Variants in AGFG1 observed in about 807,000 individuals in gnomAD.
AGFG1 encodes ArfGAP with FG repeats 1, also known as arf-GAP domain and FG repeat-containing protein 1.
In AGFG1, 10 loss-of-function variants were observed where a neutral mutation model predicts 60.6. The ratio of observed to expected loss-of-function variants is 0.16; its 90% confidence interval spans 0.10 to 0.28. The LOEUF is 0.28. AGFG1 is among the 10% of genes least tolerant of loss of function. The probability of loss-of-function intolerance (pLI) is 1.00; values close to 1 mark genes in which losing one functional copy is unlikely to be tolerated. For synonymous variants in AGFG1, 247 were observed against 242.9 expected, an observed-to-expected ratio of 1.02 and a Z score of -0.16; for missense variants, 537 against 676.5, an observed-to-expected ratio of 0.79 and a Z score of 2.29.
intron 10 of AGFG1, among the ~76,000 whole-genome samples, chr2:227,543,872 G>GCTCTTCTTGTTGAATTGATC (rs1169289124): frequency 1.3e-5 from 2 of 152,030 alleles, no homozygotes; most frequent in African/African-American, 4.8e-5. Flanking sequence ...AGGATAGTTA[G>GCTCTTCTTGTTGAATTGATC]CTCTTCTTGT....
intron 2 of AGFG1, among the ~76,000 whole-genome samples, chr2:227,493,120 A>T (rs1290731567): frequency 6.6e-6 from 1 of 152,150 alleles, no homozygotes; most frequent in African/African-American, 2.4e-5. Flanking sequence ...TTAGGTGGAG[A>T]CTGGTCCAAA....
chr2:227,506,245 A>T (rs940233431), intron 2 of AGFG1, among the ~76,000 whole-genome samples: 1 of 151,788 alleles, frequency 6.6e-6, no homozygotes, highest in African/African-American at 2.4e-5. Flanking sequence ...TTTGTTTTTT[A>T]CTTTAGCAAA....
rs147089715 is a variant in AGFG1, at chr2:227,497,717, G to A, written c.261+6077G>A. 6.5e-3 allele frequency among the ~76,000 whole-genome samples: 827 copies of A among 128,142 alleles called. 18 individuals are homozygous for A. Among genetic ancestry groups the A allele is most frequent in the African/African-American group, 0.023 (791 of 33,736 alleles). The allele number at this position is 128,142 out of a possible 152,430, so 84.1% of individuals were successfully genotyped here. A position where few individuals can be genotyped will look rare whatever the true frequency, so the allele number is the denominator to read the frequency against. ...AATGCACAAGCATATATAGCCAAAT[G>A]AGTTTCTTTCTTGTTTTGTTTTTTT... On this transcript the variant is annotated intron_variant, in intron 2 of 12. Transcript: ENST00000310078.
intron 11 of AGFG1, among the ~76,000 whole-genome samples, chr2:227,553,297 A>AG (rs1692876049): frequency 6.6e-6 from 1 of 152,128 alleles, no homozygotes; most frequent in African/African-American, 2.4e-5. Context: ...CAGGAGATTG[A>AG]GACCAGCCTG....
At chr2:227,535,217 A>G (rs1047711147) in intron 8 of AGFG1, among the ~76,000 whole-genome samples, 192 bp downstream of exon 8, 7 of 152,186 alleles carry the variant, frequency 4.6e-5, no homozygotes, top group Non-Finnish European at 8.8e-5. Context: ...TTATCTTTTC[A>G]TTGAATCAGA....
At chr2:227,511,097 A>T (rs1233865275) in intron 2 of AGFG1, among the ~76,000 whole-genome samples, 1 of 152,164 alleles carries the variant, frequency 6.6e-6, no homozygotes, top group Non-Finnish European at 1.5e-5. Flanking sequence ...ATGTATAATA[A>T]ATTGGCTCTC....
rs1305621940 is a variant in AGFG1 at position 227,556,101 on chromosome 2, A to T, written c.*1606A>T. 1 of 152,240 alleles carries T rather than the reference A, an allele frequency of 6.6e-6. No homozygotes were observed. The highest frequency in any genetic ancestry group is 2.4e-5 in the African/African-American group (1 of 41,470). The allele number at this position is 152,240 out of a possible 1,614,324, so 9.4% of individuals were successfully genotyped here. ...TTATTATGCCTCTAGGTAATTAAGT[A>T]AAGGTGAAATTGCATACACAGATAT... is the stretch of plus-strand genomic sequence containing the variant. On this transcript the variant is annotated 3_prime_UTR_variant, in exon 13 of 13. Transcript: ENST00000310078.
chr2:227,525,386 C>T (rs189557405), intron 5 of AGFG1, among the ~76,000 whole-genome samples: 1 of 152,200 alleles, frequency 6.6e-6, no homozygotes, highest in East Asian at 1.9e-4. Flanking sequence ...TAGCATCATT[C>T]CCTAAATAAT....
intron 2 of AGFG1, among the ~76,000 whole-genome samples, chr2:227,502,841 G>A (rs540630377): frequency 2.6e-5 from 4 of 152,236 alleles, no homozygotes; most frequent in South Asian, 4.1e-4. Context: ...GTGTGATAGG[G>A]ATTGAGTTTC....
At chr2:227,484,693 TTTTTTTTTTTTTTTTTTTTTTTTTTTTTG>T (rs1690572259) in intron 1 of AGFG1, among the ~76,000 whole-genome samples, 1 of 4,582 alleles carries the variant, frequency 2.2e-4, no homozygotes, top group Non-Finnish European at 4.3e-4. Context: ...TTTTTGTTTT[TTTTTTTTTTTTTTTTTTTTTTTTTTTTTG>T]AGATGGAGTC....
rs73081493 is a variant in AGFG1 at position 227,495,812 on chromosome 2, A to G, written c.261+4172A>G. ...ATGTTTGAAGACTAAAAGTAAAAGC[A>G]TTACTACTGGCCAAGTGCAGTGGCT... On this transcript the variant is annotated intron_variant, in intron 2 of 12. Transcript: ENST00000310078. Among the ~76,000 whole-genome samples the G allele has an allele frequency of 6.2e-3, 940 of 152,204 alleles. 9 individuals carry two copies. The highest frequency in any genetic ancestry group is 0.021 in the African/African-American group (876 of 41,506).
In AGFG1 at chr2:227,547,728, G is replaced by A. The variant is rs184531702; in HGVS notation, c.1379-4231G>A. ...AGGAGGTAGAGAAAATAGAAACCTCGTATATTGCTTGTGGGAATATAAAAT... is the reference window on the plus strand; with the variant it reads ...AGGAGGTAGAGAAAATAGAAACCTCATATATTGCTTGTGGGAATATAAAAT... On this transcript the variant is annotated intron_variant, in intron 10 of 12. Coordinates refer to ENST00000310078, the MANE Select transcript of AGFG1 (RefSeq NM_004504.5). Among the ~76,000 whole-genome samples the A allele has an allele frequency of 9.5e-4, 144 of 152,274 alleles. 1 individual carries two copies. The highest frequency in any genetic ancestry group is 3.3e-3 in the African/African-American group (137 of 41,560).
At chr2:227,546,987 G>A (rs1692668718) in intron 10 of AGFG1, among the ~76,000 whole-genome samples, 2 of 152,170 alleles carry the variant, frequency 1.3e-5, no homozygotes, top group Non-Finnish European at 2.9e-5. Flanking sequence ...AATTTGCTAA[G>A]ATTAATGAAT....
chr2:227,554,530 T>A lies in AGFG1; in HGVS notation c.*35T>A. ...GACAATTTACTGGAACGAACTTTTA[T>A]GTGGTCACATTACATCTCTCCACCT... On this transcript the variant is annotated 3_prime_UTR_variant, in exon 13 of 13. Coordinates refer to ENST00000310078, the MANE Select transcript of AGFG1 (RefSeq NM_004504.5). 1 of 1,536,506 alleles carries A rather than the reference T, an allele frequency of 6.5e-7. No homozygotes were observed. Among genetic ancestry groups the A allele is most frequent in the Non-Finnish European group, 9.0e-7 (1 of 1,112,138 alleles).
At chr2:227,484,695 T>TGTTTTTTG (rs1226617102) in intron 1 of AGFG1, among the ~76,000 whole-genome samples, 1 of 9,114 alleles carries the variant, frequency 1.1e-4, no homozygotes, top group African/African-American at 3.0e-4. Flanking sequence ...TTTGTTTTTT[T>TGTTTTTTG]TTTTTTTTTT....
chr2:227,497,735 G>GTTTTTTT lies in AGFG1; in HGVS notation c.261+6115_261+6121dup, dbSNP rs869114764. Reference sequence around the variant, plus strand: ...GCCAAATGAGTTTCTTTCTTGTTTTGTTTTTTTTTTTTTTTTTTTTTTTTT... The same window carrying GTTTTTTT: ...GCCAAATGAGTTTCTTTCTTGTTTTGTTTTTTTTTTTTTTTTTTTTTTTTTTTTTTTT... On this transcript the variant is annotated intron_variant, in intron 2 of 12. Transcript: ENST00000310078. Among the ~76,000 whole-genome samples the GTTTTTTT allele has an allele frequency of 2.1e-3, 58 of 28,012 alleles. 11 individuals carry two copies. Among genetic ancestry groups the GTTTTTTT allele is most frequent in the African/African-American group, 4.3e-3 (34 of 7,898 alleles). The allele number at this position is 28,012 out of a possible 152,430, so 18.4% of individuals were successfully genotyped here. A position where few individuals can be genotyped will look rare whatever the true frequency, so the allele number is the denominator to read the frequency against.
At chr2:227,531,413 T>A (rs1245267014) in intron 6 of AGFG1, among the ~76,000 whole-genome samples, 1 of 152,172 alleles carries the variant, frequency 6.6e-6, no homozygotes, top group Non-Finnish European at 1.5e-5. Context: ...GTATATTGTC[T>A]GTTTGACAAC....
intron 2 of AGFG1, among the ~76,000 whole-genome samples, chr2:227,502,865 A>G (rs10191596): frequency 0.05 from 7,545 of 152,220 alleles, 233 homozygotes; most frequent in African/African-American, 0.093. Flanking sequence ...TTTTTACATG[A>G]ATATATACAC....
intron 2 of AGFG1, among the ~76,000 whole-genome samples, chr2:227,502,710 A>T (rs1475440111): frequency 6.6e-6 from 1 of 152,180 alleles, no homozygotes; most frequent in Non-Finnish European, 1.5e-5. Context: ...TTTTATAGTG[A>T]ATGGTTCCTC....
Sources: allele counts gnomAD v4.1 joint callset (sites outside exome capture counted in the v4.1 genomes callset), GRCh38; gene constraint gnomAD v4.1.1; transcripts MANE v1.5; gene names NCBI Gene and HGNC (gene_info 2026-07-23, HGNC 2026-07-21).